The following ZNF721 variants were observed in gnomAD, a reference collection of about 807,000 sequenced individuals.
The protein encoded by ZNF721 is zinc finger protein 721.
A neutral mutation model predicts 2.4 loss-of-function variants in ZNF721; 2 were observed. The ratio of observed to expected loss-of-function variants is 0.82; its 90% CI spans 0.34 to 2.58. The LOEUF (loss-of-function observed/expected upper bound fraction) is 2.58, where lower values mean the gene tolerates loss of function less well. Among genes scored for constraint, ZNF721 ranks in the 30% most tolerant of loss-of-function variants. ZNF721 has a pLI of 0.11. For missense variants in ZNF721, 1,187 were observed against 1,085.5 expected, an observed-to-expected ratio of 1.09 and a Z score of -1.31; for synonymous variants, 398 against 381.8, an observed-to-expected ratio of 1.04 and a Z score of -0.50.
intron 2 of ZNF721, among the ~76,000 whole-genome samples, chr4:463,442 A>C (rs1239455576): frequency 1.3e-5 from 2 of 151,798 alleles, no homozygotes; most frequent in Non-Finnish European, 3.0e-5. Flanking sequence ...TTCTACTACA[A>C]AGACACATGA....
chr4:477,473 C>T (rs1308894588), intron 1 of ZNF721, among the ~76,000 whole-genome samples: 1 of 151,904 alleles, frequency 6.6e-6, no homozygotes, highest in Non-Finnish European at 1.5e-5. Flanking sequence ...CCCCGGACCT[C>T]GTGATCCGCC....
intron 1 of ZNF721, chr4:474,061 A>T: frequency 6.9e-7 from 1 of 1,450,604 alleles, no homozygotes; most frequent in East Asian, 3.3e-5. Flanking sequence ...ATGGAGGCTG[A>T]GGCTCTGGCA....
intron 2 of ZNF721, among the ~76,000 whole-genome samples, chr4:459,645 C>A (rs1294290944): frequency 6.6e-6 from 1 of 152,130 alleles, no homozygotes; most frequent in East Asian, 1.9e-4. Context: ...CCGTGGTTAA[C>A]ATGGTGAAAC....
At chr4:461,441 A>C (rs1715067066) in intron 2 of ZNF721, among the ~76,000 whole-genome samples, 1 of 150,768 alleles carries the variant, frequency 6.6e-6, no homozygotes. Flanking sequence ...CTAGGTACTG[A>C]TGGAATGTAT....
chr4:469,910 C>G (rs1355632774), intron 2 of ZNF721, among the ~76,000 whole-genome samples: 6 of 152,126 alleles, frequency 3.9e-5, no homozygotes, highest in African/African-American at 1.4e-4. Flanking sequence ...TTGAGATGGT[C>G]TCGTTCTGTT....
At chr4:495,455 CTTTTT>C (rs35860173) in intron 1 of ZNF721, among the ~76,000 whole-genome samples, 3 of 140,416 alleles carry the variant, frequency 2.1e-5, no homozygotes, top group Non-Finnish European at 4.6e-5. Flanking sequence ...TTAAAATTGA[CTTTTT>C]TTTTTTTTTT....
intron 2 of ZNF721, among the ~76,000 whole-genome samples, chr4:452,680 C>T (rs782500777): frequency 6.6e-6 from 1 of 152,122 alleles, no homozygotes; most frequent in Admixed American, 6.6e-5. Flanking sequence ...GAAGAGGGTA[C>T]CTTTGGGGTT....
At chr4:458,351 T>C (rs1714908701) in intron 2 of ZNF721, among the ~76,000 whole-genome samples, 1 of 152,160 alleles carries the variant, frequency 6.6e-6, no homozygotes, top group South Asian at 2.1e-4. Context: ...AAACACTTTA[T>C]TACAATCTCA....
chr4:461,355 CAT>C (rs782815330), intron 2 of ZNF721, among the ~76,000 whole-genome samples: 13 of 152,334 alleles, frequency 8.5e-5, no homozygotes, highest in South Asian at 4.1e-4. Context: ...ACAAAAACCA[CAT>C]GATTATCTCA....
At chr4:477,663 G>A (rs1715667097) in intron 1 of ZNF721, among the ~76,000 whole-genome samples, 1 of 152,186 alleles carries the variant, frequency 6.6e-6, no homozygotes, top group East Asian at 1.9e-4. Flanking sequence ...AGTTTAAAAT[G>A]AGCAGAAAAA....
intron 1 of ZNF721, among the ~76,000 whole-genome samples, chr4:496,414 G>C (rs747753251): frequency 6.6e-6 from 1 of 151,996 alleles, no homozygotes; most frequent in South Asian, 2.1e-4. Context: ...CTCTAAGTAT[G>C]TTCTTCTGGG....
chr4:464,855 G>A (rs1715192211), intron 2 of ZNF721, among the ~76,000 whole-genome samples: 2 of 152,104 alleles, frequency 1.3e-5, no homozygotes, highest in East Asian at 1.9e-4. Flanking sequence ...CGAGGCGGGA[G>A]GATCACGAGG....
chr4:449,263 G>A (rs542607578), intron 2 of ZNF721, among the ~76,000 whole-genome samples: 1 of 152,042 alleles, frequency 6.6e-6, no homozygotes, highest in South Asian at 2.1e-4. Flanking sequence ...TGACAGTTTT[G>A]GAAATTATCT....
At chr4:469,019 A>T (rs1201328135) in intron 2 of ZNF721, among the ~76,000 whole-genome samples, 3 of 152,236 alleles carry the variant, frequency 2.0e-5, no homozygotes, top group Admixed American at 6.5e-5. Context: ...GAAACCCTAG[A>T]GTAGAATAAC....
At chr4:493,479 G>C (rs1576975142) in intron 1 of ZNF721, among the ~76,000 whole-genome samples, 2 of 152,156 alleles carry the variant, frequency 1.3e-5, no homozygotes, top group East Asian at 3.8e-4. Context: ...AGGAGTTCAA[G>C]ACCAGCCTGG....
At chr4:473,705 C>T (rs1553868122) in intron 1 of ZNF721, among the ~76,000 whole-genome samples, 1 of 152,206 alleles carries the variant, frequency 6.6e-6, no homozygotes, top group Non-Finnish European at 1.5e-5. Context: ...GCACGCCGCA[C>T]CTGGCGTCTT....
chr4:488,113 A>G (rs1437146229), intron 1 of ZNF721, among the ~76,000 whole-genome samples: 2 of 152,214 alleles, frequency 1.3e-5, no homozygotes, highest in African/African-American at 2.4e-5. Context: ...CATTATAACC[A>G]GGTCCTTGGG....
At chr4:456,986 AATAT>A (rs1339134119) in intron 2 of ZNF721, among the ~76,000 whole-genome samples, 1 of 152,222 alleles carries the variant, frequency 6.6e-6, no homozygotes, top group African/African-American at 2.4e-5. Context: ...TAAAACACTG[AATAT>A]AATATAGATG....
At chr4:452,474 T>C (rs797030720) in intron 2 of ZNF721, among the ~76,000 whole-genome samples, 1 of 152,214 alleles carries the variant, frequency 6.6e-6, no homozygotes, top group African/African-American at 2.4e-5. Context: ...GGTAACATTT[T>C]ACAACCTCTG....
Sources: allele counts gnomAD v4.1 joint callset (sites outside exome capture counted in the v4.1 genomes callset), GRCh38; gene constraint gnomAD v4.1.1; transcripts MANE v1.5; gene names NCBI Gene and HGNC (gene_info 2026-07-23, HGNC 2026-07-21).